DAPK3: variants seen among roughly 807,000 people sequenced by gnomAD.
DAPK3 encodes the protein death associated protein kinase 3.
In DAPK3, 24 loss-of-function variants were observed where a neutral mutation model predicts 30.6. That is an observed-to-expected ratio of 0.78 (90% CI 0.57 to 1.10). DAPK3 has a LOEUF of 1.10. DAPK3 is among the 50% of genes least tolerant of loss of function. DAPK3 has a pLI of 0.00. For synonymous variants in DAPK3, 341 were observed against 284.0 expected, an observed-to-expected ratio of 1.20 and a Z score of -2.02; for missense variants, 629 against 657.3, an observed-to-expected ratio of 0.96 and a Z score of 0.47.
At chr19:3,965,665 T>TG (rs2039570943) in intron 2 of DAPK3, among the ~76,000 whole-genome samples, 3 of 148,704 alleles carry the variant, frequency 2.0e-5, no homozygotes, top group Admixed American at 1.3e-4. Flanking sequence ...TTTTTTTGTT[T>TG]TTGTTTTGTT....
intron 7 of DAPK3, 50 bp downstream of exon 7, chr19:3,960,959 T>C (rs1219263311): frequency 2.5e-6 from 4 of 1,595,266 alleles, no homozygotes; most frequent in Non-Finnish European, 3.4e-6. Context: ...GTGGGTGGAG[T>C]GGGCCTGTGT....
rs1459765054 is a variant in DAPK3 at position 3,958,950 on chromosome 19, G to C, written c.*151C>G. 1 of 595,508 alleles carries C rather than the reference G, an allele frequency of 1.7e-6. No individual in the cohort carries two copies. The highest frequency in any genetic ancestry group is 2.9e-6 in the Non-Finnish European group (1 of 341,722). 36.9% of individuals were successfully genotyped at this position (595,508 alleles called of 1,614,324 possible). ...CCCACCCCTGCCTGCGAACTTACGG[G>C]CCTGGCTCCAGCTCCTCCCACTCCG... On this transcript the variant is annotated 3_prime_UTR_variant, in exon 9 of 9. Transcript: ENST00000545797.
In DAPK3 at chr19:3,958,787, G is replaced by A; in HGVS notation, c.*314C>T. On this transcript the variant is annotated 3_prime_UTR_variant, in exon 9 of 9. Transcript: ENST00000545797. The stretch of plus-strand genomic sequence containing the variant: ...CCTGAACCAGGGCTGCATTCGGGCC[G>A]CCTCTGCGCCTCGGTGGGTCCCAAC... The A allele has an allele frequency of 1.8e-6, 1 of 542,598 alleles. No homozygotes were observed. The allele number at this position is 542,598 out of a possible 1,614,324, so 33.6% of individuals were successfully genotyped here.
rs1247348234 is a variant in DAPK3 at position 3,960,999 on chromosome 19, C to A, written c.782+10G>T. 33 of 1,612,634 alleles carry A rather than the reference C, an allele frequency of 2.0e-5. No individual in the cohort carries two copies. The highest frequency in any genetic ancestry group is 2.8e-5 in the Non-Finnish European group (33 of 1,179,426). On this transcript the variant is annotated intron_variant, in intron 7 of 8. Transcript: ENST00000545797. ...TGTCCCACCCCGTGCCCCCTGCCGG[C>A]CCCTCGTACTTGGGATCTTTGACGA...
rs2039483264 is a variant in DAPK3 at position 3,959,743 on chromosome 19, G to A, written c.829-106C>T. 1.1e-5 allele frequency: 14 copies of A among 1,287,300 alleles called. No homozygotes were observed. In the Admixed American group the frequency reaches 3.8e-4, roughly 35 times the overall value. The allele number at this position is 1,287,300 out of a possible 1,614,324, so 79.7% of individuals were successfully genotyped here. On this transcript the variant is annotated intron_variant, in intron 8 of 8. Transcript: ENST00000545797. ...GTTCAGGGGCTCATCCGGCAGCAGA[G>A]TCAACGCCTCGTGACGGAGACTGCC...
rs1356110243 is a variant in DAPK3, at chr19:3,961,004, C to T, written c.782+5G>A. The T allele has an allele frequency of 9.9e-6, 16 of 1,612,998 alleles. No homozygotes were observed. The highest frequency in any genetic ancestry group is 1.7e-5 in the Admixed American group (1 of 59,960). ...CACCCCGTGCCCCCTGCCGGCCCCT[C>T]GTACTTGGGATCTTTGACGAGCAGC... On this transcript the variant is annotated splice_donor_5th_base_variant and intron_variant, in intron 7 of 8. Transcript: ENST00000545797.
intron 2 of DAPK3, among the ~76,000 whole-genome samples, chr19:3,968,590 G>A (rs994999433): frequency 6.6e-6 from 1 of 152,090 alleles, no homozygotes; most frequent in South Asian, 2.1e-4. Flanking sequence ...AGGTGAAATC[G>A]GCGAGTTAAA....
rs2039481275 is a variant in DAPK3, at chr19:3,959,601, C to T, written c.865G>A (p.Gly289Ser). 1 of 1,588,300 alleles carries T rather than the reference C, an allele frequency of 6.3e-7. No individual in the cohort carries two copies. Among genetic ancestry groups the T allele is most frequent in the Non-Finnish European group, 8.5e-7 (1 of 1,175,954 alleles). ...AGGCGCCGCCGCTCGGGCTTGCGGC[C>T]GCTGTCCTCACCACGCACGTTCCGC... ...RRRNVRGEDS[G>S]RKPERRRLKT... is the part of the protein sequence containing the mutation. Residue 289 changes from glycine (G) to serine (S), a missense_variant, in exon 9 of 9, where the codon GGC (glycine) becomes AGC (serine). Physicochemically the swap from Gly to Ser is moderately conservative, Grantham distance 56. Coordinates refer to ENST00000545797, the MANE Select transcript of DAPK3 (RefSeq NM_001348.3).
intron 2 of DAPK3, among the ~76,000 whole-genome samples, chr19:3,967,201 A>T (rs2039587161): frequency 6.6e-6 from 1 of 152,256 alleles, no homozygotes; most frequent in African/African-American, 2.4e-5. Flanking sequence ...CTGTAATCCC[A>T]GCACTTTGGG....
At chr19:3,965,386 G>A (rs1184605409) in intron 2 of DAPK3, among the ~76,000 whole-genome samples, 2 of 152,242 alleles carry the variant, frequency 1.3e-5, no homozygotes, top group Admixed American at 6.5e-5. Flanking sequence ...GGAGTTCGAG[G>A]AGGGCAGATA....
At chr19:3,960,279 GGA>G (rs1466452921) in intron 7 of DAPK3, among the ~76,000 whole-genome samples, 175 bp from the exon 8 acceptor site, 2 of 152,112 alleles carry the variant, frequency 1.3e-5, no homozygotes, top group African/African-American at 4.8e-5. Context: ...GGGGGGTGGT[GGA>G]GAGAGCTGAG....
At chr19:3,967,220 G>A (rs991996144) in intron 2 of DAPK3, among the ~76,000 whole-genome samples, 2 of 152,182 alleles carry the variant, frequency 1.3e-5, no homozygotes, top group Non-Finnish European at 2.9e-5. Flanking sequence ...GGAGGCAAAA[G>A]CGTGCAGATC....
intron 6 of DAPK3, among the ~76,000 whole-genome samples, chr19:3,962,297 C>G (rs544996439): frequency 1.3e-5 from 2 of 152,346 alleles, no homozygotes; most frequent in Non-Finnish European, 1.5e-5. Context: ...CTTTGTAAGT[C>G]TGAATTATCT....
intron 7 of DAPK3, among the ~76,000 whole-genome samples, chr19:3,960,353 C>T (rs531499356): frequency 6.6e-6 from 1 of 152,190 alleles, no homozygotes; most frequent in South Asian, 2.1e-4. Context: ...CATGGAGGCC[C>T]GGGGAGGCCT....
At chr19:3,960,003 C>G in intron 8 of DAPK3, 56 bp downstream of exon 8, 2 of 973,528 alleles carry the variant, frequency 2.1e-6, no homozygotes, top group African/African-American at 3.2e-5. Context: ...CCCCCGGGAC[C>G]CCAGCGAGAA....
Position 3,959,471 on chromosome 19 carries a change from G to A in DAPK3, c.995C>T (p.Ala332Val), listed in dbSNP as rs372041714. 5 of 1,547,260 alleles carry A rather than the reference G, an allele frequency of 3.2e-6. No individual in the cohort carries two copies. Among genetic ancestry groups the A allele is most frequent in the Middle Eastern group, 1.7e-4 (1 of 5,978 alleles). Residue 332 changes from alanine (A) to valine (V), a missense_variant, in exon 9 of 9, where the codon GCG becomes GTG. Around this residue, in one of 2 missense-constraint regions of DAPK3, gnomAD observed 323 missense variants for 278.8 expected, o/e 1.16. Transcript: ENST00000545797. Reference sequence around the variant, plus strand: ...GCGCAGGCCCTCCTCGGCGGCCGCCGCCTCCTCCAGCACCTTGGAGAAGCG... The same window carrying A: ...GCGCAGGCCCTCCTCGGCGGCCGCCACCTCCTCCAGCACCTTGGAGAAGCG... Reference protein sequence around the residue: ...FERFSKVLEEAAAAEEGLREL... With the variant: ...FERFSKVLEEVAAAEEGLREL...
rs2039466321 is a variant in DAPK3, at chr19:3,958,631, G to A, written c.*470C>T. ...ACCCCACCAAGCCCGGCGCCACCCA[G>A]CAGCGTGGGGACTGCCTGTCCGCCG... On this transcript the variant is annotated 3_prime_UTR_variant, in exon 9 of 9. Coordinates refer to ENST00000545797, the MANE Select transcript of DAPK3 (RefSeq NM_001348.3). The A allele has an allele frequency of 2.5e-6, 1 of 403,994 alleles. No homozygotes were observed. Among genetic ancestry groups the A allele is most frequent in the South Asian group, 1.8e-5 (1 of 54,732 alleles). The allele number at this position is 403,994 out of a possible 1,614,324, so 25.0% of individuals were successfully genotyped here.
chr19:3,962,674 G>A (rs575571871), intron 6 of DAPK3, among the ~76,000 whole-genome samples: 2 of 151,760 alleles, frequency 1.3e-5, no homozygotes, highest in South Asian at 2.1e-4. Context: ...CTACTTGGGA[G>A]GCTGAGGCAT....
chr19:3,965,658 T>TG (rs113717505), intron 2 of DAPK3, among the ~76,000 whole-genome samples: 9 of 151,658 alleles, frequency 5.9e-5, no homozygotes, highest in Admixed American at 5.9e-4. Flanking sequence ...GATCCGCTTT[T>TG]TTTGTTTTTG....
Sources: allele counts gnomAD v4.1 joint callset (sites outside exome capture counted in the v4.1 genomes callset), GRCh38; gene constraint gnomAD v4.1.1; regional missense constraint gnomAD v4.1.1; transcripts MANE v1.5; gene names NCBI Gene and HGNC (gene_info 2026-07-23, HGNC 2026-07-21).